FRMD3: variants seen among roughly 807,000 people sequenced by gnomAD.
The protein encoded by FRMD3 is FERM domain-containing protein 3.
Under a neutral mutation model 70.2 loss-of-function variants are expected in FRMD3, and 33 were observed. The ratio of observed to expected loss-of-function variants is 0.47; its 90% CI spans 0.36 to 0.63. The LOEUF is 0.63. Among genes scored for constraint, FRMD3 ranks in the 20% least tolerant of loss-of-function variants. The pLI is 0.00. For synonymous variants in FRMD3, 279 were observed against 255.9 expected (o/e 1.09, Z -0.86); for missense variants, 632 against 711.4 (o/e 0.89, Z 1.27).
intron 1 of FRMD3, among the ~76,000 whole-genome samples, chr9:83,510,559 T>C (rs1370901637): frequency 6.6e-6 from 1 of 152,260 alleles, no homozygotes; most frequent in Non-Finnish European, 1.5e-5. Context: ...CAAAAACCCA[T>C]ACACAAATAC....
At chr9:83,582,289 G>A in the FRMD3 span, among the ~76,000 whole-genome samples, 1 of 152,132 alleles carries the variant, frequency 6.6e-6, no homozygotes, top group Non-Finnish European at 1.5e-5. Context: ...AGAAAATGTT[G>A]CAATTGGAAG....
intron 1 of FRMD3, among the ~76,000 whole-genome samples, chr9:83,471,934 T>A (rs1390563734): frequency 6.6e-6 from 1 of 152,206 alleles, no homozygotes; most frequent in East Asian, 1.9e-4. Context: ...TCCTAACTCA[T>A]GTGAGCCTTG....
chr9:83,558,969 A>T, the FRMD3 span, among the ~76,000 whole-genome samples: 1 of 152,242 alleles, frequency 6.6e-6, no homozygotes, highest in Non-Finnish European at 1.5e-5. Context: ...TGCTTCTTAC[A>T]GATGAGCAAC....
intron 1 of FRMD3, among the ~76,000 whole-genome samples, chr9:83,521,805 C>T (rs1038918779): frequency 6.6e-6 from 1 of 152,230 alleles, no homozygotes; most frequent in Admixed American, 6.5e-5. Flanking sequence ...TTCAGTTCCT[C>T]ATAAATGTTA....
intron 1 of FRMD3, among the ~76,000 whole-genome samples, chr9:83,450,622 G>A (rs577213866): frequency 9.2e-5 from 14 of 152,240 alleles, no homozygotes; most frequent in Admixed American, 5.9e-4. Context: ...CCACGTGGCA[G>A]CCTGGAACAA....
chr9:83,273,341 G>C (rs904097189), intron 13 of FRMD3, among the ~76,000 whole-genome samples: 2 of 150,824 alleles, frequency 1.3e-5, no homozygotes, highest in Non-Finnish European at 3.0e-5. Flanking sequence ...CCCCAACCCC[G>C]TGCTCTCTGA....
chr9:83,313,969 C>T (rs905584500), intron 6 of FRMD3, among the ~76,000 whole-genome samples: 3 of 152,178 alleles, frequency 2.0e-5, no homozygotes, highest in Non-Finnish European at 2.9e-5. Flanking sequence ...CAAACCCACA[C>T]GCACTCTGAG....
chr9:83,363,426 T>A (rs563991323), intron 3 of FRMD3, among the ~76,000 whole-genome samples: 2 of 152,362 alleles, frequency 1.3e-5, no homozygotes, highest in Admixed American at 6.5e-5. Context: ...ACTGGCCTTT[T>A]TATTGCTTTC....
intron 6 of FRMD3, among the ~76,000 whole-genome samples, chr9:83,314,578 C>T (rs141630288): frequency 1.3e-5 from 2 of 152,004 alleles, no homozygotes; most frequent in African/African-American, 4.8e-5. Context: ...TGTCCCCCCA[C>T]CCCCTCAAGA....
At chr9:83,320,138 T>C (rs1184583419) in intron 6 of FRMD3, among the ~76,000 whole-genome samples, 1 of 152,168 alleles carries the variant, frequency 6.6e-6, no homozygotes, top group East Asian at 1.9e-4. Context: ...CCAACTTGGA[T>C]GTCTTTTTTT....
intron 2 of FRMD3, 39 bp from the exon 3 acceptor site, chr9:83,372,994 A>T (rs549011300): frequency 1.3e-6 from 2 of 1,561,806 alleles, no homozygotes; most frequent in East Asian, 2.2e-5. Flanking sequence ...TCAGGGGTCA[A>T]ATTGCTGGAC....
chr9:83,416,035 A>T (rs1826430908), intron 1 of FRMD3, among the ~76,000 whole-genome samples: 1 of 152,156 alleles, frequency 6.6e-6, no homozygotes, highest in Non-Finnish European at 1.5e-5. Context: ...CCCTAGAAAT[A>T]GCAAGTAAAT....
intron 13 of FRMD3, among the ~76,000 whole-genome samples, chr9:83,280,748 A>G (rs1833951547): frequency 6.6e-6 from 1 of 152,256 alleles, no homozygotes; most frequent in East Asian, 1.9e-4. Flanking sequence ...TGCACATTAT[A>G]AAACCTATAC....
upstream of FRMD3, among the ~76,000 whole-genome samples, chr9:83,543,246 T>A (rs892703102): frequency 7.3e-5 from 11 of 151,254 alleles, no homozygotes; most frequent in Non-Finnish European, 1.6e-4. Context: ...AAGCAGAAGC[T>A]AGGGCACAGA....
chr9:83,364,577 C>T (rs1187910656), intron 3 of FRMD3, among the ~76,000 whole-genome samples: 5 of 151,802 alleles, frequency 3.3e-5, no homozygotes, highest in Admixed American at 2.6e-4. Flanking sequence ...AAAATCAACT[C>T]TGTGCAAACA....
intron 1 of FRMD3, among the ~76,000 whole-genome samples, chr9:83,426,107 A>G (rs1245744031): frequency 6.6e-6 from 1 of 152,142 alleles, no homozygotes; most frequent in Non-Finnish European, 1.5e-5. Flanking sequence ...TAAATTAGAC[A>G]CAAAAAAAGT....
the FRMD3 span, among the ~76,000 whole-genome samples, chr9:83,544,230 C>A: frequency 6.6e-6 from 1 of 152,204 alleles, no homozygotes; most frequent in African/African-American, 2.4e-5. Flanking sequence ...GTCATGAGCC[C>A]TGGGACAGAG....
chr9:83,434,405 A>G (rs1355841747), intron 1 of FRMD3, among the ~76,000 whole-genome samples: 1 of 152,126 alleles, frequency 6.6e-6, no homozygotes, highest in Non-Finnish European at 1.5e-5. Flanking sequence ...GGCTCTCTGA[A>G]CCTTGGTTTC....
chr9:83,490,955 T>A (rs562417278), intron 1 of FRMD3, among the ~76,000 whole-genome samples: 2 of 152,246 alleles, frequency 1.3e-5, no homozygotes, highest in South Asian at 4.1e-4. Context: ...TTTCATAAGA[T>A]GCTTCATTTT....
Sources: gnomAD v4.1 joint callset for allele counts (sites outside exome capture counted in the v4.1 genomes callset) on GRCh38, gnomAD v4.1.1 for gene constraint, MANE v1.5 for transcripts, NCBI Gene and HGNC (gene_info 2026-07-23, HGNC 2026-07-21) for gene names.